The following MLLT3 variants were observed in gnomAD, a reference collection of about 807,000 sequenced individuals.
MLLT3 encodes MLLT3 super elongation complex subunit.
Under a neutral mutation model 53.2 loss-of-function variants are expected in MLLT3, and 4 were observed. The ratio of observed to expected loss-of-function variants is 0.08; its 90% CI spans 0.04 to 0.17. The LOEUF is 0.17. Among genes scored for constraint, MLLT3 ranks in the 10% least tolerant of loss-of-function variants. The pLI is 1.00. For missense variants in MLLT3, 569 were observed against 684.0 expected (o/e 0.83, Z 1.87); for synonymous variants, 283 against 230.6 (o/e 1.23, Z -2.06).
intron 2 of MLLT3, among the ~76,000 whole-genome samples, chr9:20,570,291 T>G (rs896977075): frequency 6.6e-6 from 1 of 152,194 alleles, no homozygotes; most frequent in East Asian, 1.9e-4. Context: ...AATCAAGTCA[T>G]AGAATCTTAA....
chr9:20,501,503 G>A (rs963536018), intron 2 of MLLT3, among the ~76,000 whole-genome samples: 6 of 152,112 alleles, frequency 3.9e-5, no homozygotes, highest in Non-Finnish European at 7.3e-5. Context: ...TGTAATCCCA[G>A]CATTTTGGGA....
intron 2 of MLLT3, among the ~76,000 whole-genome samples, chr9:20,503,695 A>T (rs918942649): frequency 6.6e-6 from 1 of 152,094 alleles, no homozygotes; most frequent in East Asian, 1.9e-4. Flanking sequence ...ACAAAAAAAT[A>T]GATAACTGGG....
At chr9:20,362,468 G>C (rs956785316) in intron 7 of MLLT3, among the ~76,000 whole-genome samples, 1 of 152,036 alleles carries the variant, frequency 6.6e-6, no homozygotes, top group African/African-American at 2.4e-5. Flanking sequence ...TCAGACAAAA[G>C]ACTTCTAAAG....
chr9:20,409,942 C>G (rs900630547), intron 5 of MLLT3, among the ~76,000 whole-genome samples: 49 of 152,070 alleles, frequency 3.2e-4, no homozygotes, highest in African/African-American at 1.1e-3. Flanking sequence ...AAAAATCTAC[C>G]AAGTGCCTAC....
At chr9:20,471,226 T>C (rs532921703) in intron 2 of MLLT3, among the ~76,000 whole-genome samples, 51 of 152,188 alleles carry the variant, frequency 3.4e-4, no homozygotes, top group African/African-American at 1.2e-3. Context: ...TATTTTTTTC[T>C]TTTTGCTTAT....
At chr9:20,476,231 G>A (rs1824518537) in intron 2 of MLLT3, among the ~76,000 whole-genome samples, 1 of 152,054 alleles carries the variant, frequency 6.6e-6, no homozygotes, top group Non-Finnish European at 1.5e-5. Flanking sequence ...AATAGTACTT[G>A]AGCAATGCAT....
intron 10 of MLLT3, among the ~76,000 whole-genome samples, chr9:20,350,422 C>A (rs544697901): frequency 6.6e-6 from 1 of 151,682 alleles, no homozygotes; most frequent in Non-Finnish European, 1.5e-5. Context: ...GGTGAAACCC[C>A]GTCTCTACTA....
chr9:20,471,866 GGATGTGGATAATACAC>G (rs1824403073), intron 2 of MLLT3, among the ~76,000 whole-genome samples: 5 of 151,072 alleles, frequency 3.3e-5, no homozygotes, highest in Non-Finnish European at 1.5e-5. Context: ...AACTCTAGTA[GGATGTGGATAATACAC>G]TTTTACCACC....
intron 2 of MLLT3, among the ~76,000 whole-genome samples, chr9:20,584,645 T>C (rs564537747): frequency 6.6e-6 from 1 of 152,036 alleles, no homozygotes; most frequent in Non-Finnish European, 1.5e-5. Context: ...GATAAACCCA[T>C]CAGATCTCAC....
chr9:20,538,758 G>GT (rs1335845620), intron 2 of MLLT3, among the ~76,000 whole-genome samples: 1 of 152,088 alleles, frequency 6.6e-6, no homozygotes, highest in Non-Finnish European at 1.5e-5. Context: ...AAACACCAAT[G>GT]TTTTTTAAAA....
intron 2 of MLLT3, among the ~76,000 whole-genome samples, chr9:20,572,831 C>T (rs566824263): frequency 3.3e-5 from 5 of 152,190 alleles, no homozygotes; most frequent in East Asian, 1.9e-4. Flanking sequence ...ACAGTAACAT[C>T]CAGATTTCTC....
At chr9:20,587,279 A>G (rs1009760529) in intron 2 of MLLT3, among the ~76,000 whole-genome samples, 3 of 152,106 alleles carry the variant, frequency 2.0e-5, no homozygotes, top group Admixed American at 1.3e-4. Context: ...TAAAAATGAC[A>G]TATCATATAA....
Position 20,388,099 on chromosome 9 carries a change from C to T in MLLT3, c.1126-22355G>A, listed in dbSNP as rs574187345. The stretch of plus-strand genomic sequence containing the variant: ...TAGATGAAATTTTTCACACTAGACT[C>T]TGTAACCAAATTGATTCTTGCATAG... On this transcript the variant is annotated intron_variant, in intron 5 of 10. Transcript: ENST00000380338. 7.9e-5 allele frequency among the ~76,000 whole-genome samples: 12 copies of T among 152,314 alleles called. 1 individual carries two copies. The South Asian group carries it at 2.5e-3, about 32-fold the overall frequency.
At chr9:20,532,005 G>A (rs928859053) in intron 2 of MLLT3, among the ~76,000 whole-genome samples, 2 of 151,954 alleles carry the variant, frequency 1.3e-5, no homozygotes, top group African/African-American at 2.4e-5. Flanking sequence ...CTTAGTGACA[G>A]ACAGCACTAT....
chr9:20,447,708 A>G (rs534530834), intron 4 of MLLT3, among the ~76,000 whole-genome samples: 1 of 152,188 alleles, frequency 6.6e-6, no homozygotes, highest in South Asian at 2.1e-4. Context: ...ACCTTTTTTA[A>G]TAATTGTGAT....
chr9:20,579,113 G>A (rs1250472660), intron 2 of MLLT3, among the ~76,000 whole-genome samples: 1 of 152,134 alleles, frequency 6.6e-6, no homozygotes, highest in Non-Finnish European at 1.5e-5. Flanking sequence ...TGTAATCGCA[G>A]CTCCTGTAAT....
At chr9:20,359,059 C>T (rs995802487) in intron 8 of MLLT3, among the ~76,000 whole-genome samples, 3 of 146,180 alleles carry the variant, frequency 2.1e-5, no homozygotes, top group Non-Finnish European at 3.0e-5. Context: ...GCAGGAGAAT[C>T]GCTTGAACCC....
rs151136492 is a variant in MLLT3 at position 20,417,169 on chromosome 9, C to T, written c.421-2744G>A. On this transcript the variant is annotated intron_variant, in intron 4 of 10. Coordinates refer to ENST00000380338, the MANE Select transcript of MLLT3 (RefSeq NM_004529.4). ...AATAAAAGCTTTCACTGATTTTCAGCCTATCTGATATTTATATATATATAT... is the reference window on the plus strand; with the variant it reads ...AATAAAAGCTTTCACTGATTTTCAGTCTATCTGATATTTATATATATATAT... 5.8e-3 allele frequency among the ~76,000 whole-genome samples: 840 copies of T among 144,574 alleles called. 11 individuals carry two copies. The highest frequency in any genetic ancestry group is 0.02 in the African/African-American group (806 of 39,386). The allele number at this position is 144,574 out of a possible 152,430, so 94.8% of individuals were successfully genotyped here.
At chr9:20,451,468 T>A (rs1203526610) in intron 3 of MLLT3, among the ~76,000 whole-genome samples, 1 of 152,120 alleles carries the variant, frequency 6.6e-6, no homozygotes, top group Non-Finnish European at 1.5e-5. Context: ...CACTTTTCAA[T>A]AAAACCAATG....
Sources: allele counts gnomAD v4.1 joint callset (sites outside exome capture counted in the v4.1 genomes callset), GRCh38; gene constraint gnomAD v4.1.1; transcripts MANE v1.5; gene names NCBI Gene and HGNC (gene_info 2026-07-23, HGNC 2026-07-21).